The following LANCL2 variants were observed in gnomAD, a reference collection of about 807,000 sequenced individuals.
The protein encoded by LANCL2 is LanC like glutathione S-transferase 2, also known as lanC-like protein 2.
In LANCL2, 33 loss-of-function variants were observed where a neutral mutation model predicts 56.9. The ratio of observed to expected loss-of-function variants is 0.58; its 90% CI spans 0.44 to 0.78. The LOEUF (loss-of-function observed/expected upper bound fraction) is 0.78, where lower values mean the gene tolerates loss of function less well. Among genes scored for constraint, LANCL2 ranks in the 30% least tolerant of loss-of-function variants. LANCL2 has a pLI of 0.00. For synonymous variants in LANCL2, 233 were observed against 228.2 expected, an observed-to-expected ratio of 1.02 and a Z score of -0.19; for missense variants, 562 against 580.2, an observed-to-expected ratio of 0.97 and a Z score of 0.32.
intron 1 of LANCL2, among the ~76,000 whole-genome samples, chr7:55,386,030 C>A (rs190460809): frequency 6.6e-6 from 1 of 152,294 alleles, no homozygotes; most frequent in African/African-American, 2.4e-5. Flanking sequence ...GGCTCACTGG[C>A]GGTCAGAGTT....
chr7:55,366,188 A>C lies in LANCL2; in HGVS notation c.163A>C (p.Thr55Pro), dbSNP rs1219770907. 5.8e-6 allele frequency: 9 copies of C among 1,550,228 alleles called. No homozygotes were observed. The East Asian group carries it at 1.7e-4, about 30-fold the overall frequency. The change falls in exon 1 of 9, where the codon ACC becomes CCC. Residue 55 changes from threonine (T) to proline (P), a missense_variant. Thr to Pro is a conservative substitution (Grantham distance 38). Around this residue, in one of 2 missense-constraint regions of LANCL2, gnomAD observed 184 missense variants for 111.8 expected, o/e 1.65. Transcript: ENST00000254770. ...GACAGGCTGTGTTCGTCCCCCGGCG[A>C]CCACGGATGAGCCCGGCCTCCCTTT... The part of the protein sequence containing the change: ...EETGCVRPPA[T>P]TDEPGLPFHQ...
At chr7:55,373,457 A>G (rs1789967884) in intron 1 of LANCL2, among the ~76,000 whole-genome samples, 1 of 151,796 alleles carries the variant, frequency 6.6e-6, no homozygotes, top group African/African-American at 2.4e-5. Flanking sequence ...CACCCAGCTA[A>G]TTTTTAAATT....
chr7:55,420,662 A>G (rs1453073848), intron 6 of LANCL2, among the ~76,000 whole-genome samples: 4 of 152,236 alleles, frequency 2.6e-5, no homozygotes, highest in South Asian at 2.1e-4. Flanking sequence ...AGTTTCTGCA[A>G]CCACTCAGTT....
chr7:55,387,044 T>G lies in LANCL2; in HGVS notation c.205-4749T>G, dbSNP rs532535997. Among the ~76,000 whole-genome samples, 107 of 151,972 alleles carry G rather than the reference T, an allele frequency of 7.0e-4. 5 individuals carry two copies. In the South Asian group the frequency reaches 0.021, roughly 29 times the overall value. On this transcript the variant is annotated intron_variant, in intron 1 of 8. Coordinates refer to ENST00000254770, the MANE Select transcript of LANCL2 (RefSeq NM_018697.4). ...GAACTCTAGAAGATAAAAGTTTGGG[T>G]TTTTTTTAAAGCCAGTTACCAAAAA...
chr7:55,370,355 T>A (rs1325922607), intron 1 of LANCL2, among the ~76,000 whole-genome samples: 1 of 152,196 alleles, frequency 6.6e-6, no homozygotes, highest in African/African-American at 2.4e-5. Flanking sequence ...ACCTGCCATA[T>A]TGTATTCTAT....
intron 1 of LANCL2, 95 bp downstream of exon 1, chr7:55,366,324 G>A: frequency 9.4e-7 from 1 of 1,063,024 alleles, no homozygotes; most frequent in Non-Finnish European, 1.3e-6. Flanking sequence ...GGCGCGCGCC[G>A]GGCTTGGGAG....
chr7:55,425,549 C>G, intron 7 of LANCL2, 119 bp downstream of exon 7: 1 of 913,768 alleles, frequency 1.1e-6, no homozygotes, highest in South Asian at 1.7e-5. Flanking sequence ...CTGTAGCTTC[C>G]TCTTTTTCTT....
intron 1 of LANCL2, among the ~76,000 whole-genome samples, chr7:55,369,145 C>G (rs1043344686): frequency 8.5e-5 from 13 of 152,124 alleles, no homozygotes; most frequent in South Asian, 2.1e-4. Flanking sequence ...CCTGTTGATA[C>G]GTTGATTTTG....
At chr7:55,390,325 G>A (rs1790172279) in intron 1 of LANCL2, among the ~76,000 whole-genome samples, 1 of 152,192 alleles carries the variant, frequency 6.6e-6, no homozygotes, top group East Asian at 1.9e-4. Flanking sequence ...GCAAAGGTGG[G>A]CCAGGTGCAG....
In LANCL2 at chr7:55,431,649, T is replaced by C. The variant is rs1372663179; in HGVS notation, c.*329T>C. On this transcript the variant is annotated 3_prime_UTR_variant, in exon 9 of 9. Coordinates refer to ENST00000254770, the MANE Select transcript of LANCL2 (RefSeq NM_018697.4). ...CTGACCATGCATGAATGTATGGCAG[T>C]GTCCACTTTTCTGTATAAAATGTAT... The C allele has an allele frequency of 4.4e-6, 1 of 228,274 alleles. No individual in the cohort carries two copies. Among genetic ancestry groups the C allele is most frequent in the Non-Finnish European group, 8.5e-6 (1 of 117,560 alleles). 14.1% of individuals were successfully genotyped at this position (228,274 alleles called of 1,614,324 possible). A position where few individuals can be genotyped will look rare whatever the true frequency, so the allele number is the denominator to read the frequency against.
rs140422056 is a variant in LANCL2 at position 55,433,108 on chromosome 7, C to CCA, written c.*1789_*1790dup. ...CTGCCTCCCCATTTCTCAAGGGAAG[C>CCA]CAGTAGGCAACACAGCCAGCACGGT... On this transcript the variant is annotated 3_prime_UTR_variant, in exon 9 of 9. Transcript: ENST00000254770. The CCA allele has an allele frequency of 9.2e-5, 14 of 152,576 alleles. No individual in the cohort carries two copies. The highest frequency in any genetic ancestry group is 3.1e-4 in the African/African-American group (13 of 41,580). The allele number at this position is 152,576 out of a possible 1,614,324, so 9.5% of individuals were successfully genotyped here. A position where few individuals can be genotyped will look rare whatever the true frequency, so the allele number is the denominator to read the frequency against.
intron 6 of LANCL2, among the ~76,000 whole-genome samples, chr7:55,414,064 A>G (rs909675295): frequency 2.0e-5 from 3 of 152,230 alleles, no homozygotes; most frequent in African/African-American, 7.2e-5. Context: ...TACAATTATT[A>G]TATATCAATG....
intron 1 of LANCL2, among the ~76,000 whole-genome samples, chr7:55,389,004 C>T (rs1018089223): frequency 7.9e-5 from 12 of 152,222 alleles, no homozygotes; most frequent in Admixed American, 3.9e-4. Flanking sequence ...GAACAGCCAA[C>T]AGTTGAGCCT....
chr7:55,416,666 CT>C (rs1348350098), intron 6 of LANCL2, among the ~76,000 whole-genome samples: 4 of 152,084 alleles, frequency 2.6e-5, no homozygotes, highest in Non-Finnish European at 5.9e-5. Context: ...TTTATATGTT[CT>C]GGTTAAAGTC....
intron 5 of LANCL2, among the ~76,000 whole-genome samples, chr7:55,409,000 G>GA (rs1007626269): frequency 6.8e-6 from 1 of 147,528 alleles, no homozygotes; most frequent in Non-Finnish European, 1.5e-5. Context: ...AAAAAGAAAA[G>GA]AAAAAAACAG....
intron 2 of LANCL2, among the ~76,000 whole-genome samples, chr7:55,396,539 C>T (rs1346967325): frequency 1.3e-5 from 2 of 152,252 alleles, no homozygotes; most frequent in Non-Finnish European, 2.9e-5. Flanking sequence ...ATGGGAGGCA[C>T]TGGTGCAGTT....
intron 5 of LANCL2, among the ~76,000 whole-genome samples, chr7:55,405,758 A>G (rs1191007450): frequency 6.6e-6 from 1 of 152,000 alleles, no homozygotes; most frequent in African/African-American, 2.4e-5. Flanking sequence ...TATATTATGG[A>G]CTTCCTTGGG....
Position 55,365,811 on chromosome 7 carries a change from G to A in LANCL2, c.-215G>A, listed in dbSNP as rs1001547003. On this transcript the variant is annotated 5_prime_UTR_variant, in exon 1 of 9. Transcript: ENST00000254770. ...GCAAAGGCGCCAGGAACAGGGCAGA[G>A]GCACAGCGCCCACCGCCTCTGCGGC... is the stretch of plus-strand genomic sequence containing the variant. 1.4e-5 allele frequency: 6 copies of A among 436,634 alleles called. No homozygotes were observed. Among genetic ancestry groups the A allele is most frequent in the African/African-American group, 6.2e-5 (3 of 48,536 alleles). The allele number at this position is 436,634 out of a possible 1,614,324, so 27.0% of individuals were successfully genotyped here.
intron 6 of LANCL2, among the ~76,000 whole-genome samples, chr7:55,420,653 G>A (rs2128996139): frequency 6.6e-6 from 1 of 152,330 alleles, no homozygotes; most frequent in South Asian, 2.1e-4. Flanking sequence ...GGTCCATGCA[G>A]TTTCTGCAAC....
Sources: allele counts gnomAD v4.1 joint callset (sites outside exome capture counted in the v4.1 genomes callset), GRCh38; gene constraint gnomAD v4.1.1; regional missense constraint gnomAD v4.1.1; transcripts MANE v1.5; gene names NCBI Gene and HGNC (gene_info 2026-07-23, HGNC 2026-07-21).